The following NEGR1 variants were observed in gnomAD, a reference collection of about 807,000 sequenced individuals.
NEGR1 encodes neuronal growth regulator 1.
A neutral mutation model predicts 40.9 loss-of-function variants in NEGR1; 10 were observed. The ratio of observed to expected loss-of-function variants is 0.24; its 90% CI spans 0.15 to 0.42. The LOEUF (loss-of-function observed/expected upper bound fraction) is 0.42, where lower values mean the gene tolerates loss of function less well. NEGR1 is among the 10% of genes least tolerant of loss of function. NEGR1 has a pLI of 1.00. For synonymous variants in NEGR1, 185 were observed against 166.8 expected, an observed-to-expected ratio of 1.11 and a Z score of -0.84; for missense variants, 352 against 438.9, an observed-to-expected ratio of 0.80 and a Z score of 1.77.
intron 6 of NEGR1, among the ~76,000 whole-genome samples, chr1:71,554,540 A>G (rs1462284800): frequency 6.6e-6 from 1 of 151,448 alleles, no homozygotes; most frequent in Non-Finnish European, 1.5e-5. Flanking sequence ...GTTTGCAACC[A>G]GAAAGTCTTA....
At chr1:72,090,235 T>C (rs1445305956) in intron 1 of NEGR1, among the ~76,000 whole-genome samples, 1 of 152,008 alleles carries the variant, frequency 6.6e-6, no homozygotes, top group Non-Finnish European at 1.5e-5. Flanking sequence ...ATTATATTAA[T>C]GGAATGACTT....
intron 5 of NEGR1, among the ~76,000 whole-genome samples, chr1:71,602,473 G>A (rs1190407268): frequency 1.3e-5 from 2 of 150,764 alleles, no homozygotes; most frequent in South Asian, 2.1e-4. Flanking sequence ...GGATGGTCTC[G>A]ATCTCCTGAC....
intron 2 of NEGR1, among the ~76,000 whole-genome samples, chr1:71,825,200 A>T (rs1658576147): frequency 6.6e-6 from 1 of 151,930 alleles, no homozygotes; most frequent in Admixed American, 6.6e-5. Flanking sequence ...GTAAAATAGT[A>T]TTTCATTGTG....
rs537409166 is a variant in NEGR1, at chr1:71,837,178, T to C, written c.410-60881A>G. ...ACAGCCCTGTGACCCTGTTTTCAGATTGCTTTTGAAGAGTAGCTGATAAAA... is the reference window on the plus strand; with the variant it reads ...ACAGCCCTGTGACCCTGTTTTCAGACTGCTTTTGAAGAGTAGCTGATAAAA... On this transcript the variant is annotated intron_variant, in intron 2 of 6. Coordinates refer to ENST00000357731, the MANE Select transcript of NEGR1 (RefSeq NM_173808.3). 1.2e-4 allele frequency among the ~76,000 whole-genome samples: 18 copies of C among 152,246 alleles called. No individual in the cohort carries two copies. The Middle Eastern group carries it at 0.01, about 86-fold the overall frequency.
At chr1:72,024,894 T>A (rs907731278) in intron 1 of NEGR1, among the ~76,000 whole-genome samples, 5 of 152,176 alleles carry the variant, frequency 3.3e-5, no homozygotes, top group Non-Finnish European at 5.9e-5. Flanking sequence ...TACATTGAGG[T>A]ACTAGAATGG....
intron 2 of NEGR1, among the ~76,000 whole-genome samples, chr1:71,921,018 C>G (rs940439777): frequency 3.3e-5 from 5 of 152,084 alleles, no homozygotes; most frequent in Admixed American, 1.3e-4. Context: ...AAGAGAAGCC[C>G]AAGGCTCACA....
intron 5 of NEGR1, among the ~76,000 whole-genome samples, chr1:71,607,331 A>G (rs1650103277): frequency 6.6e-6 from 1 of 152,220 alleles, no homozygotes; most frequent in Admixed American, 6.5e-5. Flanking sequence ...AAATCCATAA[A>G]CAACTTGAAA....
intron 2 of NEGR1, among the ~76,000 whole-genome samples, chr1:71,878,268 T>A (rs752127585): frequency 5.9e-5 from 9 of 152,178 alleles, no homozygotes; most frequent in Non-Finnish European, 1.2e-4. Context: ...TTAGAAAAGA[T>A]TATCCATCTC....
rs150163056 is a variant in NEGR1 at position 71,571,747 on chromosome 1, G to C, written c.940+21070C>G. Among the ~76,000 whole-genome samples, 1,305 of 148,122 alleles carry C rather than the reference G, an allele frequency of 8.8e-3. 3 individuals are homozygous for C. Among genetic ancestry groups the C allele is most frequent in the Non-Finnish European group, 0.014 (913 of 67,512 alleles). ...GGTCAAGGCTGCAGTGAACTGTCATGGTGCCACTCCAGCCTGGGTGACAGA... is the reference window on the plus strand; with the variant it reads ...GGTCAAGGCTGCAGTGAACTGTCATCGTGCCACTCCAGCCTGGGTGACAGA... On this transcript the variant is annotated intron_variant, in intron 6 of 6. Transcript: ENST00000357731.
chr1:71,409,281 A>G (rs1646300997), intron 6 of NEGR1, among the ~76,000 whole-genome samples: 1 of 151,940 alleles, frequency 6.6e-6, no homozygotes, highest in Non-Finnish European at 1.5e-5. Context: ...GACCTTCTCA[A>G]TAGTAGTTAT....
chr1:71,712,568 C>A (rs1036712966), intron 3 of NEGR1, among the ~76,000 whole-genome samples: 2 of 152,006 alleles, frequency 1.3e-5, no homozygotes, highest in African/African-American at 2.4e-5. Context: ...ACTTTTCTGG[C>A]GTTTAATTCT....
At chr1:71,693,372 C>A (rs910534877) in intron 4 of NEGR1, among the ~76,000 whole-genome samples, 1 of 151,514 alleles carries the variant, frequency 6.6e-6, no homozygotes, top group African/African-American at 2.4e-5. Context: ...CTGTTTAACC[C>A]TTTATTTATT....
intron 4 of NEGR1, among the ~76,000 whole-genome samples, chr1:71,685,782 C>A (rs1653014487): frequency 6.6e-6 from 1 of 152,124 alleles, no homozygotes; most frequent in African/African-American, 2.4e-5. Context: ...AAAGTATAAT[C>A]TTGGATTTCA....
intron 4 of NEGR1, among the ~76,000 whole-genome samples, chr1:71,679,498 T>C (rs1381836337): frequency 2.6e-5 from 4 of 152,156 alleles, no homozygotes; most frequent in Admixed American, 2.6e-4. Context: ...ATGTAAAAAT[T>C]ATAATTTCTG....
chr1:72,025,743 T>A (rs1557489452), intron 1 of NEGR1, among the ~76,000 whole-genome samples: 1 of 152,174 alleles, frequency 6.6e-6, no homozygotes, highest in African/African-American at 2.4e-5. Flanking sequence ...AGAGACAGAG[T>A]AATTTTTGTC....
rs563586662 is a variant in NEGR1, at chr1:71,756,424, CCA to C, written c.535+19746_535+19747del. On this transcript the variant is annotated intron_variant, in intron 3 of 6. Transcript: ENST00000357731. ...AACAAAAACAAACAAAAAAAAAAAA[CCA>C]AAAAAAACCACATCAGGCCTCTACT... Among the ~76,000 whole-genome samples, 738 of 134,566 alleles carry C rather than the reference CCA, an allele frequency of 5.5e-3. 8 individuals carry two copies. Among genetic ancestry groups the C allele is most frequent in the African/African-American group, 0.02 (706 of 34,838 alleles). The allele number at this position is 134,566 out of a possible 152,430, so 88.3% of individuals were successfully genotyped here. A position where few individuals can be genotyped will look rare whatever the true frequency, so the allele number is the denominator to read the frequency against.
intron 4 of NEGR1, among the ~76,000 whole-genome samples, chr1:71,686,938 G>T (rs922457955): frequency 3.3e-5 from 5 of 152,120 alleles, no homozygotes; most frequent in African/African-American, 1.2e-4. Context: ...ATTAACAAAT[G>T]TAGCATTTCT....
intron 6 of NEGR1, among the ~76,000 whole-genome samples, chr1:71,472,038 T>A (rs1273306739): frequency 6.6e-6 from 1 of 152,166 alleles, no homozygotes; most frequent in Non-Finnish European, 1.5e-5. Flanking sequence ...TCACATGTTG[T>A]TCTCTCATAC....
At chr1:71,909,911 T>C (rs1385651655) in intron 2 of NEGR1, among the ~76,000 whole-genome samples, 1 of 152,232 alleles carries the variant, frequency 6.6e-6, no homozygotes, top group Non-Finnish European at 1.5e-5. Flanking sequence ...TAGTTATGCA[T>C]AGACTCTATA....
Sources: allele counts gnomAD v4.1 joint callset (sites outside exome capture counted in the v4.1 genomes callset), GRCh38; gene constraint gnomAD v4.1.1; transcripts MANE v1.5; gene names NCBI Gene and HGNC (gene_info 2026-07-23, HGNC 2026-07-21).